Variants in PELI2 observed in about 807,000 individuals in gnomAD.
PELI2 encodes the protein E3 ubiquitin-protein ligase pellino homolog 2.
Under a neutral mutation model 42.3 loss-of-function variants are expected in PELI2, and 23 were observed. The ratio of observed to expected loss-of-function variants is 0.54; its 90% CI spans 0.39 to 0.77. The LOEUF (loss-of-function observed/expected upper bound fraction) is 0.77, where lower values mean the gene tolerates loss of function less well. Among genes scored for constraint, PELI2 ranks in the 30% least tolerant of loss-of-function variants. The probability of loss-of-function intolerance (pLI) is 0.00; values close to 1 mark genes in which losing one functional copy is unlikely to be tolerated. For synonymous variants in PELI2, 245 were observed against 212.2 expected, an observed-to-expected ratio of 1.15 and a Z score of -1.34; for missense variants, 463 against 553.2, an observed-to-expected ratio of 0.84 and a Z score of 1.64.
intron 2 of PELI2, among the ~76,000 whole-genome samples, chr14:56,189,799 T>C (rs11627534): frequency 0.4 from 60,862 of 152,154 alleles, 12,988 homozygotes; most frequent in South Asian, 0.54. Flanking sequence ...AGATTTTCTC[T>C]ATAAACTTTA....
chr14:56,279,135 T>C (rs171427), intron 2 of PELI2, among the ~76,000 whole-genome samples: 10,291 of 152,204 alleles, frequency 0.068, 399 homozygotes, highest in African/African-American at 0.09. Flanking sequence ...TTATACAAGA[T>C]TTAAGTGAGA....
In PELI2 at chr14:56,178,471, G is replaced by A. The variant is rs1885462263; in HGVS notation, c.207+7G>A. ...CACGCCCCAGGCATCCAAGGTAGGT[G>A]GGTCTGTCAAGAGTTGGGAGGGTGC... On this transcript the variant is annotated splice_region_variant and intron_variant, in intron 2 of 5. Transcript: ENST00000267460. The A allele has an allele frequency of 6.2e-7, 1 of 1,613,978 alleles. No individual in the cohort carries two copies. Among genetic ancestry groups the A allele is most frequent in the Admixed American group, 1.7e-5 (1 of 60,002 alleles).
intron 2 of PELI2, among the ~76,000 whole-genome samples, chr14:56,232,303 CAAAAA>C (rs897637081): frequency 6.6e-6 from 1 of 151,820 alleles, no homozygotes; most frequent in African/African-American, 2.4e-5. Context: ...AGAGACACAA[CAAAAA>C]AAGAGAATTT....
intron 1 of PELI2, among the ~76,000 whole-genome samples, chr14:56,143,827 T>G (rs1435169939): frequency 6.6e-6 from 1 of 152,232 alleles, no homozygotes; most frequent in Non-Finnish European, 1.5e-5. Context: ...TAGGCTCACC[T>G]TGTATTTTCC....
chr14:56,177,764 A>G (rs1885437940), intron 1 of PELI2, among the ~76,000 whole-genome samples: 1 of 152,242 alleles, frequency 6.6e-6, no homozygotes, highest in Non-Finnish European at 1.5e-5. Flanking sequence ...TAATTTCTGC[A>G]AGCTGTCTTT....
At chr14:56,169,360 G>T (rs1385174448) in intron 1 of PELI2, among the ~76,000 whole-genome samples, 2 of 152,222 alleles carry the variant, frequency 1.3e-5, no homozygotes, top group African/African-American at 2.4e-5. Flanking sequence ...GGTTTGCGGG[G>T]ACTCAAGTTC....
chr14:56,178,681 G>A (rs566083281), intron 2 of PELI2, among the ~76,000 whole-genome samples: 17 of 152,180 alleles, frequency 1.1e-4, no homozygotes, highest in Non-Finnish European at 1.9e-4. Flanking sequence ...TAGCACCCCC[G>A]CATTCTTGCT....
At chr14:56,184,577 G>A (rs1885701073) in intron 2 of PELI2, among the ~76,000 whole-genome samples, 1 of 152,116 alleles carries the variant, frequency 6.6e-6, no homozygotes. Flanking sequence ...AATTAAGCCA[G>A]AAATGAAACA....
intron 1 of PELI2, among the ~76,000 whole-genome samples, chr14:56,147,904 G>T (rs1884191150): frequency 6.6e-6 from 1 of 152,222 alleles, no homozygotes; most frequent in Non-Finnish European, 1.5e-5. Context: ...CTTGGAATCA[G>T]ATTTGGTACA....
intron 2 of PELI2, among the ~76,000 whole-genome samples, chr14:56,201,889 A>C (rs1036117854): frequency 5.3e-5 from 8 of 152,238 alleles, no homozygotes; most frequent in African/African-American, 1.4e-4. Flanking sequence ...AATAATATTA[A>C]TAATAACTCA....
intron 2 of PELI2, among the ~76,000 whole-genome samples, chr14:56,253,551 C>A (rs1433832880): frequency 6.6e-6 from 1 of 152,108 alleles, no homozygotes; most frequent in Non-Finnish European, 1.5e-5. Context: ...TCCTATACAC[C>A]AATAACAGAC....
chr14:56,139,190 GA>G (rs1883805831), intron 1 of PELI2, among the ~76,000 whole-genome samples: 1 of 152,136 alleles, frequency 6.6e-6, no homozygotes, highest in Non-Finnish European at 1.5e-5. Context: ...TGGAGGTGGA[GA>G]TAGAACGGGA....
In PELI2 at chr14:56,118,567, C is replaced by G. The variant is rs1882935385; in HGVS notation, c.-94C>G. The G allele has an allele frequency of 1.3e-6, 1 of 790,170 alleles. No homozygotes were observed. The highest frequency in any genetic ancestry group is 1.7e-6 in the Non-Finnish European group (1 of 574,516). 48.9% of individuals were successfully genotyped at this position (790,170 alleles called of 1,614,324 possible). ...CCTTCCCCGGCGCGCTCACCCCGTT[C>G]TCGGGATGGGATTGTAGCGGCGGCG... On this transcript the variant is annotated 5_prime_UTR_variant, in exon 1 of 6. Transcript: ENST00000267460.
At chr14:56,140,047 G>T (rs1250488519) in intron 1 of PELI2, among the ~76,000 whole-genome samples, 5 of 150,170 alleles carry the variant, frequency 3.3e-5, no homozygotes, top group Non-Finnish European at 7.4e-5. Context: ...TTCCTGCCTT[G>T]TTAACGTCTT....
At position 56,207,095 on chromosome 14, in the gene PELI2, C is replaced by T. The variant is rs534978859; in HGVS notation, c.207+28631C>T. Reference sequence around the variant, plus strand: ...ACCACCCCAGAGCAGAGTGAACATACGACTTTAAGATTCATGAATGGTATC... The same window carrying T: ...ACCACCCCAGAGCAGAGTGAACATATGACTTTAAGATTCATGAATGGTATC... On this transcript the variant is annotated intron_variant, in intron 2 of 5. Coordinates refer to ENST00000267460, the MANE Select transcript of PELI2 (RefSeq NM_021255.3). 1.1e-3 allele frequency among the ~76,000 whole-genome samples: 168 copies of T among 152,176 alleles called. 2 individuals carry two copies. Among genetic ancestry groups the T allele is most frequent in the African/African-American group, 3.9e-3 (160 of 41,494 alleles).
At chr14:56,145,532 T>A (rs1222183573) in intron 1 of PELI2, among the ~76,000 whole-genome samples, 1 of 152,188 alleles carries the variant, frequency 6.6e-6, no homozygotes, top group Non-Finnish European at 1.5e-5. Flanking sequence ...TTCTTTCCAC[T>A]CCTTCTACAA....
chr14:56,282,111 T>C (rs898546664), intron 3 of PELI2, among the ~76,000 whole-genome samples: 5 of 152,164 alleles, frequency 3.3e-5, no homozygotes, highest in African/African-American at 9.6e-5. Context: ...TACAGAGTTA[T>C]TGCTCAAAGC....
chr14:56,216,859 C>T (rs930590423), intron 2 of PELI2, among the ~76,000 whole-genome samples: 1 of 152,198 alleles, frequency 6.6e-6, no homozygotes, highest in Non-Finnish European at 1.5e-5. Context: ...TACTGCTTCT[C>T]TTGAGGCTGA....
At chr14:56,188,648 C>G (rs994590756) in intron 2 of PELI2, among the ~76,000 whole-genome samples, 1 of 152,034 alleles carries the variant, frequency 6.6e-6, no homozygotes, top group African/African-American at 2.4e-5. Context: ...TTGTGTGTAT[C>G]TCTGGTCTTT....
Sources: allele counts gnomAD v4.1 joint callset (sites outside exome capture counted in the v4.1 genomes callset), GRCh38; gene constraint gnomAD v4.1.1; transcripts MANE v1.5; gene names NCBI Gene and HGNC (gene_info 2026-07-23, HGNC 2026-07-21).